The following GP2 variants were observed in gnomAD, a reference collection of about 807,000 sequenced individuals.
GP2 encodes pancreatic secretory granule membrane major glycoprotein GP2.
GP2 carries 58 observed loss-of-function variants against 60.8 expected under a neutral mutation model. That is an observed-to-expected ratio of 0.95 (90% CI 0.77 to 1.19). The LOEUF is 1.19. Among genes scored for constraint, GP2 ranks in the 50% most tolerant of loss-of-function variants. GP2 has a pLI of 0.00. For synonymous variants in GP2, 280 were observed against 253.4 expected (o/e 1.10, Z -1.00); for missense variants, 647 against 667.4 (o/e 0.97, Z 0.34).
At position 20,325,000 on chromosome 16, in the gene GP2, T is replaced by C. The variant is rs150932332; in HGVS notation, c.95-744A>G. Among the ~76,000 whole-genome samples, 166 of 152,362 alleles carry C rather than the reference T, an allele frequency of 1.1e-3. 3 individuals carry two copies. In the East Asian group the frequency reaches 0.025, roughly 23 times the overall value. ...TCTCCAGGCATTGCCAAATGTCTTC[T>C]TGGGGGGCATCGCCCCCAGTTGAGA... On this transcript the variant is annotated intron_variant, in intron 2 of 10. Transcript: ENST00000302555.
intron 2 of GP2, among the ~76,000 whole-genome samples, chr16:20,324,790 C>T (rs1182696453): frequency 1.3e-5 from 2 of 152,180 alleles, no homozygotes; most frequent in Admixed American, 6.5e-5. Flanking sequence ...GCATTTTTTA[C>T]TTAATATAAC....
At chr16:20,315,911 C>A in intron 9 of GP2, 45 bp downstream of exon 9, 1 of 1,226,162 alleles carries the variant, frequency 8.2e-7, no homozygotes, top group South Asian at 1.2e-5. Flanking sequence ...GGTTAACTGT[C>A]AACACTCAGC....
At chr16:20,324,498 C>A (rs1404863454) in intron 2 of GP2, among the ~76,000 whole-genome samples, 1 of 152,216 alleles carries the variant, frequency 6.6e-6, no homozygotes, top group Non-Finnish European at 1.5e-5. Context: ...TCCCTCCCTG[C>A]CTCAGAGTAA....
In GP2 at chr16:20,324,039, C is replaced by A. The variant is rs79104004; in HGVS notation, c.312G>T (p.Ser104=). ...ATCGGTGCACCTGGACACAGGTCTC[C>A]GACATCCTTACTCCTCCTTCCCCTA... ...RFVGEGGVRM[S]ETCVQVHRCQ... is the part of the protein sequence containing the mutation. The change falls in exon 3 of 11, where the codon TCG becomes TCT. Residue 104 remains serine, a synonymous_variant. Coordinates refer to ENST00000302555, the MANE Select transcript of GP2 (RefSeq NM_001502.4). 6 of 1,613,898 alleles carry A rather than the reference C, an allele frequency of 3.7e-6. No homozygotes were observed. The highest frequency in any genetic ancestry group is 5.1e-6 in the Non-Finnish European group (6 of 1,179,774).
chr16:20,318,207 T>G lies in GP2; in HGVS notation c.1231A>C (p.Lys411Gln). ...TACCTGTTTCTGATGATGAAATACTTCACAAGGTCAGCCTTGTCTTCAGTG... is the reference window on the plus strand; with the variant it reads ...TACCTGTTTCTGATGATGAAATACTGCACAAGGTCAGCCTTGTCTTCAGTG... ...TPTEDKADLV[K>Q]YFIIRNSCSN... Residue 411 changes from lysine (K) to glutamine (Q), a missense_variant, in exon 7 of 11, where the codon AAG becomes CAG. Transcript: ENST00000302555. The G allele has an allele frequency of 6.2e-7, 1 of 1,613,068 alleles. No individual in the cohort carries two copies. Among genetic ancestry groups the G allele is most frequent in the Non-Finnish European group, 8.5e-7 (1 of 1,179,026 alleles).
At chr16:20,312,454 A>G (rs1026209199) in intron 10 of GP2, among the ~76,000 whole-genome samples, 2 of 152,236 alleles carry the variant, frequency 1.3e-5, no homozygotes, top group African/African-American at 4.8e-5. Flanking sequence ...AATGAAAACC[A>G]CAAGTGCCCT....
rs745434026 is a variant in GP2, at chr16:20,318,315, A to T, written c.1123T>A (p.Ser375Thr). Residue 375 changes from serine to threonine, a missense_variant, in exon 7 of 11, where the codon TCC (serine) becomes ACC (threonine). Transcript: ENST00000302555. ...EGDAVELSVE[S>T]VLYVGAILEQ... is the part of the protein sequence containing the mutation. Reference sequence around the variant, plus strand: ...AAGATGGCACCCACATACAGCACGGACTCAACAGACAGTTCAACTGCATCC... The same window carrying T: ...AAGATGGCACCCACATACAGCACGGTCTCAACAGACAGTTCAACTGCATCC... 6.2e-7 allele frequency: 1 copy of T among 1,613,952 alleles called. No homozygotes were observed. The highest frequency in any genetic ancestry group is 8.5e-7 in the Non-Finnish European group (1 of 1,179,854).
chr16:20,314,245 T>TA (rs199505876), intron 10 of GP2, among the ~76,000 whole-genome samples: 9,911 of 129,628 alleles, frequency 0.076, 1,346 homozygotes, highest in East Asian at 0.68. Flanking sequence ...TAAAATGAAT[T>TA]AAAAAAAAAA....
At position 20,323,942 on chromosome 16, in the gene GP2, C is replaced by G; in HGVS notation, c.409G>C (p.Ala137Pro). Residue 137 changes from alanine (A) to proline (P), a missense_variant, in exon 3 of 11, where the codon GCC (alanine) becomes CCC (proline). Physicochemically the swap from Ala to Pro is conservative, Grantham distance 27 (BLOSUM62 -1). Transcript: ENST00000302555. ...CAGTTGCCACTCCAATGGGCACAGG[C>G]AGTGTGGTTGGTGATGCCATCCCCA... ...ALGDGITNHTACAHWSGNCCF... is the reference protein window; with the variant it reads ...ALGDGITNHTPCAHWSGNCCF... 1 of 1,614,118 alleles carries G rather than the reference C, an allele frequency of 6.2e-7. No individual in the cohort carries two copies. The highest frequency in any genetic ancestry group is 8.5e-7 in the Non-Finnish European group (1 of 1,179,950).
intron 2 of GP2, among the ~76,000 whole-genome samples, chr16:20,325,311 C>T (rs1265667368): frequency 6.6e-6 from 1 of 152,120 alleles, no homozygotes; most frequent in Non-Finnish European, 1.5e-5. Context: ...TTTGCCTGTC[C>T]TATTATTGAC....
chr16:20,322,885 C>T lies in GP2; in HGVS notation c.630G>A (p.Gln210=). 6.3e-7 allele frequency: 1 copy of T among 1,599,650 alleles called. No homozygotes were observed. The highest frequency in any genetic ancestry group is 8.6e-7 in the Non-Finnish European group (1 of 1,166,846). Residue 210 remains glutamine, a synonymous_variant, in exon 4 of 11, where the codon CAG becomes CAA. Transcript: ENST00000302555. ...GCAGCTCACCAGAACTATTGAGGTC[C>T]TGTCTGCAGAAACAGCCCCAGGTGC... ...LNSTWGCFCR[Q]DLNSSDVHSL...
At chr16:20,324,525 G>T (rs2141611152) in intron 2 of GP2, among the ~76,000 whole-genome samples, 1 of 152,130 alleles carries the variant, frequency 6.6e-6, no homozygotes, top group East Asian at 1.9e-4. Flanking sequence ...TCTTTCCTGT[G>T]CATCATGCAA....
chr16:20,315,869 G>A, intron 9 of GP2, 87 bp downstream of exon 9: 1 of 804,594 alleles, frequency 1.2e-6, no homozygotes, highest in East Asian at 2.4e-5. Flanking sequence ...CAAGAGCCCT[G>A]AGAAGTTGAG....
chr16:20,313,261 G>C (rs371493455), intron 10 of GP2, among the ~76,000 whole-genome samples: 4 of 149,542 alleles, frequency 2.7e-5, no homozygotes, highest in Non-Finnish European at 5.9e-5. Flanking sequence ...CTGTCTCTCT[G>C]TCTCTCTCTC....
rs1964219943 is a variant in GP2 at position 20,317,443 on chromosome 16, C to CG, written c.1254-69dup. Reference sequence around the variant, plus strand: ...CAGTGGAGAAAATTAAAGAGTCCCTCGGGTTCCCTCCATCATGATAACGTG... The same window carrying CG: ...CAGTGGAGAAAATTAAAGAGTCCCTCGGGGTTCCCTCCATCATGATAACGTG... On this transcript the variant is annotated intron_variant, in intron 7 of 10. Coordinates refer to ENST00000302555, the MANE Select transcript of GP2 (RefSeq NM_001502.4). 11 of 1,213,888 alleles carry CG rather than the reference C, an allele frequency of 9.1e-6. No individual in the cohort carries two copies. The Admixed American group carries it at 2.1e-4, about 23-fold the overall frequency. 75.2% of individuals were successfully genotyped at this position (1,213,888 alleles called of 1,614,324 possible).
At chr16:20,317,523 T>C (rs988363213) in intron 7 of GP2, 148 bp from the exon 8 acceptor site, 2 of 642,098 alleles carry the variant, frequency 3.1e-6, no homozygotes, top group African/African-American at 3.7e-5. Flanking sequence ...CGCACATGGC[T>C]TAAATTATTT....
At chr16:20,323,763 G>T in intron 3 of GP2, 53 bp downstream of exon 3, 8 of 1,196,680 alleles carry the variant, frequency 6.7e-6, no homozygotes, top group East Asian at 2.5e-5. Flanking sequence ...TACTGAGCCT[G>T]GGAGGCATCT....
intron 3 of GP2, chr16:20,323,284 G>C: frequency 1.4e-6 from 1 of 693,790 alleles, no homozygotes; most frequent in South Asian, 1.6e-5. Flanking sequence ...AGAATGCCAA[G>C]TTCAAATCCC....
At chr16:20,320,052 A>G (rs1454302725) in intron 5 of GP2, among the ~76,000 whole-genome samples, 3 of 152,130 alleles carry the variant, frequency 2.0e-5, no homozygotes, top group Non-Finnish European at 4.4e-5. Context: ...CACCATCCCT[A>G]ATTGAAATTA....
Sources: allele counts gnomAD v4.1 joint callset (sites outside exome capture counted in the v4.1 genomes callset), GRCh38; gene constraint gnomAD v4.1.1; transcripts MANE v1.5; gene names NCBI Gene and HGNC (gene_info 2026-07-23, HGNC 2026-07-21).